Variants in NCAM2 observed in about 807,000 individuals in gnomAD.
NCAM2 encodes N-CAM-2.
A neutral mutation model predicts 98.1 loss-of-function variants in NCAM2; 30 were observed. The observed-to-expected ratio is 0.31, with a 90% CI of 0.23 to 0.41. The LOEUF (loss-of-function observed/expected upper bound fraction) is 0.41. NCAM2 is among the 10% of genes least tolerant of loss of function. NCAM2 has a pLI of 1.00. For synonymous variants in NCAM2, 368 were observed against 342.4 expected (o/e 1.07, Z -0.83); for missense variants, 867 against 1,005.8 (o/e 0.86, Z 1.87).
intron 1 of NCAM2, among the ~76,000 whole-genome samples, chr21:21,123,399 C>CA (rs35636443): frequency 2.3e-4 from 33 of 143,338 alleles, no homozygotes; most frequent in African/African-American, 4.9e-4. Context: ...GACTCCCTCT[C>CA]AAAAAAAAAA....
At chr21:21,442,808 A>C (rs916140439) in intron 12 of NCAM2, among the ~76,000 whole-genome samples, 6 of 152,160 alleles carry the variant, frequency 3.9e-5, no homozygotes, top group Non-Finnish European at 8.8e-5. Context: ...AATTTTCTAC[A>C]TTGTGTTATG....
intron 1 of NCAM2, among the ~76,000 whole-genome samples, chr21:21,015,209 G>T (rs2064283603): frequency 2.0e-5 from 3 of 152,186 alleles, no homozygotes; most frequent in African/African-American, 4.8e-5. Context: ...AACAGTCAGA[G>T]GGTTTGAGAA....
intron 1 of NCAM2, among the ~76,000 whole-genome samples, chr21:21,049,170 C>G (rs2065058147): frequency 6.9e-6 from 1 of 144,080 alleles, no homozygotes; most frequent in South Asian, 2.3e-4. Flanking sequence ...CAGGCGCCCG[C>G]CACCGCGCCC....
chr21:21,423,741 T>G (rs1484758048), intron 11 of NCAM2, among the ~76,000 whole-genome samples: 1 of 152,134 alleles, frequency 6.6e-6, no homozygotes, highest in Non-Finnish European at 1.5e-5. Context: ...TTTTGACTCA[T>G]TTTTTAACCT....
intron 1 of NCAM2, among the ~76,000 whole-genome samples, chr21:21,044,544 C>CT (rs2064970928): frequency 6.6e-6 from 1 of 152,046 alleles, no homozygotes; most frequent in Non-Finnish European, 1.5e-5. Flanking sequence ...TATTTAAAGT[C>CT]TTTCTGCCCA....
chr21:21,293,962 A>G (rs2073386469), intron 5 of NCAM2, among the ~76,000 whole-genome samples: 1 of 151,602 alleles, frequency 6.6e-6, no homozygotes, highest in Non-Finnish European at 1.5e-5. Flanking sequence ...TATTATATAT[A>G]CATATAATTA....
intron 5 of NCAM2, among the ~76,000 whole-genome samples, chr21:21,320,909 G>T (rs1042935513): frequency 3.3e-5 from 5 of 152,140 alleles, no homozygotes; most frequent in Non-Finnish European, 7.4e-5. Context: ...GGCTTCCCAG[G>T]TGTTTCACTT....
chr21:21,475,671 A>T (rs532430995), intron 14 of NCAM2, among the ~76,000 whole-genome samples: 1 of 152,304 alleles, frequency 6.6e-6, no homozygotes, highest in South Asian at 2.1e-4. Flanking sequence ...GCTACAGGCC[A>T]TTTTTATAAA....
chr21:21,248,618 T>C (rs1313987007), intron 1 of NCAM2, among the ~76,000 whole-genome samples: 2 of 151,130 alleles, frequency 1.3e-5, no homozygotes, highest in South Asian at 2.1e-4. Context: ...TTACTAAAAA[T>C]ACAAAAAAAT....
At chr21:21,425,645 CA>C (rs34456403) in intron 11 of NCAM2, among the ~76,000 whole-genome samples, 266 of 144,846 alleles carry the variant, frequency 1.8e-3, no homozygotes, top group African/African-American at 5.6e-3. Context: ...TGTATAAGAA[CA>C]AAAAAAAAAT....
intron 1 of NCAM2, among the ~76,000 whole-genome samples, chr21:21,162,473 G>A (rs1306612761): frequency 6.6e-6 from 1 of 152,058 alleles, no homozygotes; most frequent in African/African-American, 2.4e-5. Context: ...TTAAATACCA[G>A]TTTAGCAAAT....
intron 1 of NCAM2, among the ~76,000 whole-genome samples, chr21:21,274,060 G>A (rs1360287311): frequency 0.029 from 2 of 68 alleles, no homozygotes; most frequent in Non-Finnish European, 0.059. Flanking sequence ...AGCTACTTGG[G>A]AGGCTTGAGG....
chr21:21,085,274 G>A (rs542003804), intron 1 of NCAM2, among the ~76,000 whole-genome samples: 3 of 151,746 alleles, frequency 2.0e-5, no homozygotes, highest in Admixed American at 1.3e-4. Flanking sequence ...TTCTTGAAAG[G>A]ATGCATGCAC....
At chr21:21,147,079 C>T (rs2067299685) in intron 1 of NCAM2, 2 of 960,882 alleles carry the variant, frequency 2.1e-6, no homozygotes, top group African/African-American at 1.9e-5. Context: ...GAACTGATAC[C>T]CTTTGCCTTC....
intron 1 of NCAM2, among the ~76,000 whole-genome samples, chr21:21,076,938 C>T (rs1277758623): frequency 6.6e-6 from 1 of 152,128 alleles, no homozygotes; most frequent in Non-Finnish European, 1.5e-5. Flanking sequence ...TCTGAGGTGA[C>T]TGCAACCTTG....
intron 1 of NCAM2, among the ~76,000 whole-genome samples, chr21:21,265,435 A>G (rs1193345492): frequency 2.6e-5 from 1 of 38,788 alleles, no homozygotes; most frequent in African/African-American, 1.4e-4. Context: ...GTGTGTATAT[A>G]TATTATATAT....
At chr21:21,396,400 G>A (rs1457651253) in intron 9 of NCAM2, among the ~76,000 whole-genome samples, 1 of 152,206 alleles carries the variant, frequency 6.6e-6, no homozygotes, top group African/African-American at 2.4e-5. Flanking sequence ...CTTTTAGACT[G>A]CTGGTGGGGA....
At chr21:21,461,304 G>A (rs73894702) in intron 12 of NCAM2, among the ~76,000 whole-genome samples, 2,408 of 151,860 alleles carry the variant, frequency 0.016, 71 homozygotes, top group African/African-American at 0.055. Context: ...TTTTATATAA[G>A]GCAAAGTTTT....
chr21:21,464,886 C>A (rs1446588940), intron 12 of NCAM2, among the ~76,000 whole-genome samples: 1 of 152,076 alleles, frequency 6.6e-6, no homozygotes. Context: ...GAATTCAAGC[C>A]TTGGCTATGC....
Sources: gnomAD v4.1 joint callset for allele counts (sites outside exome capture counted in the v4.1 genomes callset) on GRCh38, gnomAD v4.1.1 for gene constraint, MANE v1.5 for transcripts, NCBI Gene and HGNC (gene_info 2026-07-23, HGNC 2026-07-21) for gene names.